The following IL1RAPL1 variants were observed in gnomAD, a reference collection of about 807,000 sequenced individuals.
IL1RAPL1 encodes the protein interleukin-1 receptor accessory protein-like 1.
In IL1RAPL1, 3 loss-of-function variants were observed where a neutral mutation model predicts 48.4. That is an observed-to-expected ratio of 0.06 (90% CI 0.03 to 0.16). The LOEUF (loss-of-function observed/expected upper bound fraction) is 0.16, where lower values mean the gene tolerates loss of function less well. Among genes scored for constraint, IL1RAPL1 ranks in the 10% least tolerant of loss-of-function variants. IL1RAPL1 has a pLI of 1.00. For missense variants in IL1RAPL1, 349 were observed against 530.6 expected (o/e 0.66, Z 3.36); for synonymous variants, 185 against 187.7 (o/e 0.99, Z 0.12).
intron 5 of IL1RAPL1, among the ~76,000 whole-genome samples, chrX:29,399,876 T>C (rs1933971481): frequency 9.0e-6 from 1 of 111,087 alleles, no homozygotes; most frequent in African/African-American, 3.3e-5. Flanking sequence ...TAAAAATGAG[T>C]TTATGGTTTC....
intron 1 of IL1RAPL1, among the ~76,000 whole-genome samples, chrX:28,597,157 C>G (rs755147229): frequency 2.0e-4 from 22 of 111,272 alleles, no homozygotes; most frequent in South Asian, 7.7e-4. Context: ...GAAGATAAGG[C>G]TGGAGCCCTG....
intron 5 of IL1RAPL1, among the ~76,000 whole-genome samples, chrX:29,635,104 T>C (rs1180629532): frequency 9.0e-6 from 1 of 111,130 alleles, no homozygotes; most frequent in African/African-American, 3.3e-5. Flanking sequence ...GAGGTCTGGT[T>C]AATAGGAATT....
chrX:29,215,106 G>A (rs1002624932), intron 2 of IL1RAPL1, among the ~76,000 whole-genome samples: 2 of 111,144 alleles, frequency 1.8e-5, no homozygotes, highest in Admixed American at 1.9e-4. Flanking sequence ...CCAGCACTTC[G>A]GGAGGCCGAG....
intron 2 of IL1RAPL1, among the ~76,000 whole-genome samples, chrX:29,138,729 A>T (rs2147489907): frequency 9.5e-6 from 1 of 105,635 alleles, no homozygotes; most frequent in Non-Finnish European, 1.9e-5. Flanking sequence ...GTGAGCTGAG[A>T]TCCCGCCACT....
chrX:28,700,358 G>T (rs1935281049), intron 1 of IL1RAPL1, among the ~76,000 whole-genome samples: 1 of 110,376 alleles, frequency 9.1e-6, no homozygotes, highest in African/African-American at 3.3e-5. Flanking sequence ...CAATATAATA[G>T]CTAGGTATTT....
intron 2 of IL1RAPL1, among the ~76,000 whole-genome samples, chrX:28,928,814 G>T (rs1923813010): frequency 8.9e-6 from 1 of 111,903 alleles, no homozygotes; most frequent in African/African-American, 3.2e-5. Flanking sequence ...GATTAATTAT[G>T]TATCTTTATC....
chrX:29,705,577 A>G (rs1276147170), intron 6 of IL1RAPL1, among the ~76,000 whole-genome samples: 1 of 112,249 alleles, frequency 8.9e-6, no homozygotes, highest in Admixed American at 9.4e-5. Context: ...GCATTTTCAT[A>G]ATCCCATTTT....
intron 5 of IL1RAPL1, among the ~76,000 whole-genome samples, chrX:29,461,776 T>G (rs1288478073): frequency 1.8e-5 from 2 of 112,284 alleles, no homozygotes; most frequent in Admixed American, 1.9e-4. Context: ...TGTAGGTATT[T>G]TATTATTTCC....
intron 1 of IL1RAPL1, among the ~76,000 whole-genome samples, chrX:28,704,827 CACACAA>C (rs1342567080): frequency 2.6e-5 from 1 of 38,193 alleles, no homozygotes; most frequent in African/African-American, 1.4e-4. Context: ...CACACACACA[CACACAA>C]AAAAAAAAAA....
chrX:29,820,750 TTGAG>T (rs758890878), intron 6 of IL1RAPL1, among the ~76,000 whole-genome samples: 1 of 112,015 alleles, frequency 8.9e-6, no homozygotes, highest in African/African-American at 3.2e-5. Context: ...TACTTGGAGT[TTGAG>T]TAATTTTTCA....
At chrX:28,981,513 A>G (rs1297337306) in intron 2 of IL1RAPL1, among the ~76,000 whole-genome samples, 2 of 111,999 alleles carry the variant, frequency 1.8e-5, no homozygotes, top group Non-Finnish European at 3.8e-5. Flanking sequence ...GGCATTAAAA[A>G]TGTTTGAAGA....
At chrX:29,918,140 A>AT (rs1180293815) in intron 7 of IL1RAPL1, among the ~76,000 whole-genome samples, 2 of 53,151 alleles carry the variant, frequency 3.8e-5, no homozygotes, top group East Asian at 4.6e-4. Flanking sequence ...AAAAAAAAAA[A>AT]AAAAATATAT....
rs1362390684 is a variant in IL1RAPL1, at chrX:29,803,181, AT to A, written c.779-114282del. The stretch of plus-strand genomic sequence containing the variant: ...CATGCATACACATATGCATACATAT[AT>A]GTATATATGTATACATATACACACA... On this transcript the variant is annotated intron_variant, in intron 6 of 10. Transcript: ENST00000378993. Among the ~76,000 whole-genome samples the A allele has an allele frequency of 8.3e-4, 24 of 29,068 alleles. 1 individual carries two copies. The highest frequency in any genetic ancestry group is 1.3e-3 in the Non-Finnish European group (20 of 15,230). 25.2% of individuals were successfully genotyped at this position (29,068 alleles called of 115,157 possible).
At chrX:29,613,873 C>T (rs1202109012) in intron 5 of IL1RAPL1, among the ~76,000 whole-genome samples, 1 of 105,533 alleles carries the variant, frequency 9.5e-6, no homozygotes, top group African/African-American at 3.5e-5. Flanking sequence ...GCACCATTCT[C>T]CTGCCTCAGC....
At chrX:28,804,402 G>A (rs1170214875) in intron 2 of IL1RAPL1, among the ~76,000 whole-genome samples, 1 of 111,605 alleles carries the variant, frequency 9.0e-6, no homozygotes, top group Non-Finnish European at 1.9e-5. Context: ...CACAAATTTA[G>A]TGTCTTAAAA....
chrX:29,097,944 C>T (rs1928251203), intron 2 of IL1RAPL1, among the ~76,000 whole-genome samples: 1 of 111,780 alleles, frequency 8.9e-6, no homozygotes, highest in African/African-American at 3.3e-5. Context: ...TGGATATGCT[C>T]TTGTTGTGGA....
chrX:28,862,587 G>A (rs753157845), intron 2 of IL1RAPL1, among the ~76,000 whole-genome samples: 33 of 111,872 alleles, frequency 2.9e-4, no homozygotes, highest in African/African-American at 1.1e-3. Context: ...GATGTGTAAC[G>A]TAGACACTTG....
intron 5 of IL1RAPL1, among the ~76,000 whole-genome samples, chrX:29,631,569 A>G (rs1602336092): frequency 2.7e-5 from 3 of 112,405 alleles, no homozygotes; most frequent in South Asian, 3.7e-4. Context: ...GGCATGACCC[A>G]CCATACCTGG....
chrX:28,750,494 A>C (rs1265641724), intron 1 of IL1RAPL1, among the ~76,000 whole-genome samples: 1 of 111,661 alleles, frequency 9.0e-6, no homozygotes, highest in Non-Finnish European at 1.9e-5. Flanking sequence ...ATTAAATGTC[A>C]GAAAAAATTT....
Sources: allele counts gnomAD v4.1 joint callset (sites outside exome capture counted in the v4.1 genomes callset), GRCh38; gene constraint gnomAD v4.1.1; transcripts MANE v1.5; gene names NCBI Gene and HGNC (gene_info 2026-07-23, HGNC 2026-07-21).